Variants in SLC44A2 observed in about 807,000 individuals in gnomAD.
SLC44A2 encodes choline transporter-like protein 2.
Under a neutral mutation model 90.8 loss-of-function variants are expected in SLC44A2, and 57 were observed. The ratio of observed to expected loss-of-function variants is 0.63; its 90% confidence interval spans 0.51 to 0.78. The LOEUF (loss-of-function observed/expected upper bound fraction) is 0.78. SLC44A2 is among the 30% of genes least tolerant of loss of function. SLC44A2 has a pLI of 0.00. For synonymous variants in SLC44A2, 355 were observed against 360.7 expected, an observed-to-expected ratio of 0.98 and a Z score of 0.18; for missense variants, 794 against 919.7, an observed-to-expected ratio of 0.86 and a Z score of 1.77.
intron 20 of SLC44A2, among the ~76,000 whole-genome samples, chr19:10,639,700 G>A (rs1202587341): frequency 1.3e-5 from 2 of 152,136 alleles, no homozygotes; most frequent in South Asian, 2.1e-4. Flanking sequence ...CCAGCATGGC[G>A]AAACCCAGTC....
rs541056166 is a variant in SLC44A2 at position 10,638,081 on chromosome 19, G to C, written c.1828G>C (p.Val610Leu). 1.9e-6 allele frequency: 3 copies of C among 1,613,722 alleles called. No homozygotes were observed. Among genetic ancestry groups the C allele is most frequent in the Non-Finnish European group, 2.5e-6 (3 of 1,179,964 alleles). Residue 610 changes from valine (V) to leucine (L), a missense_variant, in exon 19 of 22, where the codon GTT becomes CTT. Physicochemically the swap from Val to Leu is conservative, Grantham distance 32. Transcript: ENST00000335757. ...FLFLLGKLLI[V>L]GSVGILAFFF... Reference sequence around the variant, plus strand: ...CTTCCTGTTGGGCAAACTTCTGATCGTTGGTAGTGTGGGTGAGTGCCGCCC... The same window carrying C: ...CTTCCTGTTGGGCAAACTTCTGATCCTTGGTAGTGTGGGTGAGTGCCGCCC...
intron 1 of SLC44A2, among the ~76,000 whole-genome samples, chr19:10,612,023 A>G (rs916487369): frequency 3.9e-5 from 6 of 152,054 alleles, no homozygotes; most frequent in Admixed American, 6.6e-5. Context: ...CTCCTTCCAG[A>G]TTGTGACCTA....
upstream of SLC44A2, among the ~76,000 whole-genome samples, chr19:10,623,033 A>T (rs139407042): frequency 1.3e-5 from 2 of 152,312 alleles, no homozygotes; most frequent in African/African-American, 4.8e-5. Flanking sequence ...GGGACTCCTC[A>T]GTGTGGAGCT....
chr19:10,636,484 G>A lies in SLC44A2; in HGVS notation c.1395G>A (p.Gln465=). 6.2e-7 allele frequency: 1 copy of A among 1,613,340 alleles called. No individual in the cohort carries two copies. The highest frequency in any genetic ancestry group is 8.5e-7 in the Non-Finnish European group (1 of 1,180,022). Residue 465 remains glutamine (Q), a synonymous_variant, in exon 15 of 22, where the codon CAG becomes CAA. Transcript: ENST00000335757. ...CCAACTTCGTGCTGGCGCTGGGCCAGGTCACGCTGGCCGGGGCCTTTGCCT... is the reference window on the plus strand; with the variant it reads ...CCAACTTCGTGCTGGCGCTGGGCCAAGTCACGCTGGCCGGGGCCTTTGCCT... The part of the protein sequence containing the change: ...WLANFVLALG[Q]VTLAGAFASY...
rs554421628 is a variant in SLC44A2, at chr19:10,635,651, C to T, written c.1233+136C>T. The stretch of plus-strand genomic sequence containing the variant: ...GTCCTGTGCTAGGTGTGGGGGAGGA[C>T]GCACAGTGGGGAAGAGACTCTCTAA... On this transcript the variant is annotated intron_variant, in intron 14 of 21. Transcript: ENST00000335757. The T allele has an allele frequency of 6.2e-5, 47 of 757,750 alleles. No individual in the cohort carries two copies. The East Asian group carries it at 9.3e-4, about 15-fold the overall frequency. The allele number at this position is 757,750 out of a possible 1,614,324, so 46.9% of individuals were successfully genotyped here.
intron 14 of SLC44A2, chr19:10,635,739 C>A: frequency 2.0e-6 from 1 of 488,036 alleles, no homozygotes; most frequent in Non-Finnish European, 3.6e-6. Context: ...AGGCCTTCAC[C>A]CTGGGTGCTA....
rs2066935161 is a variant in SLC44A2, at chr19:10,626,477, A to AG, written c.86+176_86+177insG. On this transcript the variant is annotated intron_variant, in intron 2 of 21. Coordinates refer to ENST00000335757, the MANE Select transcript of SLC44A2 (RefSeq NM_020428.4). ...GGCTGGAGTGCCGTGGCGCGATCTC[A>AG]ATCTCGGCTCACTGCAACCTTCGCC... Among the ~76,000 whole-genome samples, 4 of 150,970 alleles carry AG rather than the reference A, an allele frequency of 2.6e-5. No homozygotes were observed. The South Asian group carries it at 8.4e-4, about 32-fold the overall frequency.
chr19:10,633,783 C>T (rs1460895778), intron 10 of SLC44A2, among the ~76,000 whole-genome samples: 6 of 152,054 alleles, frequency 3.9e-5, no homozygotes, highest in Non-Finnish European at 7.4e-5. Flanking sequence ...CTTGAACTTT[C>T]CTGGAAGAAA....
In SLC44A2 at chr19:10,637,357, A is replaced by G. The variant is rs763247236; in HGVS notation, c.1592-287A>G. 1.3e-4 allele frequency among the ~76,000 whole-genome samples: 20 copies of G among 152,272 alleles called. No homozygotes were observed. In the South Asian group the frequency reaches 1.5e-3, roughly 11 times the overall value. Reference sequence around the variant, plus strand: ...ACAGAGCGAGACTCCATTTCAAAAAAAGGAAAAAAAACTGGTTTATTTTTC... The same window carrying G: ...ACAGAGCGAGACTCCATTTCAAAAAGAGGAAAAAAAACTGGTTTATTTTTC... On this transcript the variant is annotated intron_variant, in intron 16 of 21. Coordinates refer to ENST00000335757, the MANE Select transcript of SLC44A2 (RefSeq NM_020428.4).
At chr19:10,632,234 C>T (rs143695950) in intron 10 of SLC44A2, 78 bp downstream of exon 10, 19 of 1,365,686 alleles carry the variant, frequency 1.4e-5, no homozygotes, top group Non-Finnish European at 1.9e-5. Flanking sequence ...AATGGCCCAT[C>T]AGGAAAACAA....
chr19:10,641,045 C>T (rs1172711834), intron 20 of SLC44A2: 4 of 424,226 alleles, frequency 9.4e-6, no homozygotes, highest in African/African-American at 6.3e-5. Flanking sequence ...CAAGGTCCCA[C>T]CACTGCACTC....
intron 3 of SLC44A2, 52 bp downstream of exon 3, chr19:10,627,847 A>G (rs762430139): frequency 6.2e-7 from 1 of 1,611,692 alleles, no homozygotes; most frequent in Non-Finnish European, 8.5e-7. Context: ...GGAGGCAGCC[A>G]TGGCCTCTGG....
At chr19:10,616,406 TTTTTG>T (rs1003853270) in intron 1 of SLC44A2, among the ~76,000 whole-genome samples, 4 of 151,466 alleles carry the variant, frequency 2.6e-5, no homozygotes, top group African/African-American at 7.3e-5. Flanking sequence ...AATTTTTGTT[TTTTTG>T]TTTTGTTTTG....
At position 10,627,856 on chromosome 19, in the gene SLC44A2, G is replaced by A; in HGVS notation, c.160+61G>A. 5.0e-6 allele frequency: 8 copies of A among 1,611,268 alleles called. No homozygotes were observed. The South Asian group carries it at 7.7e-5, about 15-fold the overall frequency. ...GTAGGCGGAGGCAGCCATGGCCTCT[G>A]GAGTGGGAACAGGGCTGGATCTGAG... On this transcript the variant is annotated intron_variant, in intron 3 of 21. Coordinates refer to ENST00000335757, the MANE Select transcript of SLC44A2 (RefSeq NM_020428.4).
intron 10 of SLC44A2, among the ~76,000 whole-genome samples, chr19:10,634,404 C>T (rs1235124852): frequency 1.3e-5 from 2 of 148,616 alleles, no homozygotes; most frequent in Non-Finnish European, 3.0e-5. Flanking sequence ...GTGGAGGTTG[C>T]GGTGAGCCGA....
At chr19:10,607,634 G>C (rs1415856419) in intron 1 of SLC44A2, among the ~76,000 whole-genome samples, 1 of 151,592 alleles carries the variant, frequency 6.6e-6, no homozygotes, top group Non-Finnish European at 1.5e-5. Context: ...AGGATTATAG[G>C]CGTGGGCCAC....
upstream of SLC44A2, among the ~76,000 whole-genome samples, chr19:10,623,631 A>T (rs996050432): frequency 4.0e-5 from 6 of 151,646 alleles, no homozygotes; most frequent in South Asian, 2.1e-4. Flanking sequence ...GCTTAAGGCC[A>T]GGAGTTTGAG....
At chr19:10,643,214 C>A in intron 21 of SLC44A2, 65 bp from the exon 22 acceptor site, 2 of 1,548,988 alleles carry the variant, frequency 1.3e-6, no homozygotes, top group South Asian at 1.2e-5. Flanking sequence ...TCCACCTACC[C>A]TGTCCTTGAG....
chr19:10,604,000 CAT>C (rs1326604753), intron 1 of SLC44A2, among the ~76,000 whole-genome samples: 7 of 152,216 alleles, frequency 4.6e-5, no homozygotes, highest in Non-Finnish European at 1.0e-4. Context: ...CAGGCCCACA[CAT>C]GAGACAGGGG....
Sources: allele counts gnomAD v4.1 joint callset (sites outside exome capture counted in the v4.1 genomes callset), GRCh38; gene constraint gnomAD v4.1.1; transcripts MANE v1.5; gene names NCBI Gene and HGNC (gene_info 2026-07-23, HGNC 2026-07-21).